The following TMEM143 variants were observed in gnomAD, a reference collection of about 807,000 sequenced individuals.
TMEM143 encodes transmembrane protein 143.
Under a neutral mutation model 40.3 loss-of-function variants are expected in TMEM143, and 45 were observed. The ratio of observed to expected loss-of-function variants is 1.12; its 90% CI spans 0.88 to 1.43. TMEM143 has a LOEUF of 1.43. TMEM143 is among the 40% of genes most tolerant of loss of function. The pLI is 0.00. For synonymous variants in TMEM143, 299 were observed against 282.7 expected, an observed-to-expected ratio of 1.06 and a Z score of -0.58; for missense variants, 620 against 613.4, an observed-to-expected ratio of 1.01 and a Z score of -0.11.
rs1276791532 is a variant in TMEM143, at chr19:48,363,487, A to T, written c.68T>A (p.Val23Asp). 1.1e-5 allele frequency: 18 copies of T among 1,613,592 alleles called. No individual in the cohort carries two copies. The highest frequency in any genetic ancestry group is 3.3e-5 in the Admixed American group (2 of 59,996). The change falls in exon 2 of 8, where the codon GTC becomes GAC. Residue 23 changes from valine to aspartate, a missense_variant. Physicochemically the swap from Val to Asp is radical, Grantham distance 152. Transcript: ENST00000293261. ...GLAMLHVTRG[V>D]WGSRVRVWPL... ...CCATACTCGGACCCTGGACCCCCAGACCCCCCGGGTCACATGCAGCATGGC... is the reference window on the plus strand; with the variant it reads ...CCATACTCGGACCCTGGACCCCCAGTCCCCCCGGGTCACATGCAGCATGGC...
At chr19:48,358,961 G>A (rs1281565081) in intron 3 of TMEM143, among the ~76,000 whole-genome samples, 1 of 152,170 alleles carries the variant, frequency 6.6e-6, no homozygotes, top group Non-Finnish European at 1.5e-5. Context: ...TTGAGGTCAG[G>A]AATTCAAGAC....
chr19:48,346,596 G>A (rs765718496), intron 3 of TMEM143, among the ~76,000 whole-genome samples: 5 of 151,596 alleles, frequency 3.3e-5, no homozygotes, highest in African/African-American at 4.9e-5. Context: ...TTATTTTTTT[G>A]AGACAGAGTC....
intron 2 of TMEM143, among the ~76,000 whole-genome samples, chr19:48,361,410 G>A (rs1418936506): frequency 2.0e-5 from 3 of 151,822 alleles, no homozygotes; most frequent in Admixed American, 2.0e-4. Flanking sequence ...TAGAGACGGG[G>A]TTTCACCATG....
chr19:48,361,579 G>A (rs922443539), intron 2 of TMEM143, among the ~76,000 whole-genome samples: 3 of 143,684 alleles, frequency 2.1e-5, no homozygotes, highest in Non-Finnish European at 4.5e-5. Flanking sequence ...TGCCCAGACT[G>A]GAGTGCAGTG....
At chr19:48,359,932 G>T in intron 3 of TMEM143, 140 bp downstream of exon 3, 2 of 738,816 alleles carry the variant, frequency 2.7e-6, no homozygotes, top group Non-Finnish European at 2.2e-6. Flanking sequence ...CCATGAGGGC[G>T]TCACTTCACC....
At chr19:48,352,291 T>G (rs1969796280) in intron 3 of TMEM143, among the ~76,000 whole-genome samples, 1 of 135,836 alleles carries the variant, frequency 7.4e-6, no homozygotes, top group Non-Finnish European at 1.6e-5. Context: ...CCTCTACACA[T>G]CCCCTCATAT....
At chr19:48,339,265 GAGA>G (rs1226701704) in intron 6 of TMEM143, among the ~76,000 whole-genome samples, 5 of 152,190 alleles carry the variant, frequency 3.3e-5, no homozygotes, top group Admixed American at 3.3e-4. Context: ...GAGCCCAGAA[GAGA>G]AGATGTCAGG....
rs755314000 is a variant in TMEM143, at chr19:48,333,262, G to T, written c.1337C>A (p.Thr446Asn). Residue 446 changes from threonine (T) to asparagine (N), a missense_variant, in exon 8 of 8, where the codon ACT becomes AAT. Coordinates refer to ENST00000293261, the MANE Select transcript of TMEM143 (RefSeq NM_018273.4). The surrounding 1 kb of genome is among the most constrained non-coding windows in gnomAD (Gnocchi z 4.1). ...GGGCGTGGCTTGCGGGGGCTCGGAA[G>T]TGATCGGAGCCACTGGGTCTAGTTT... The part of the protein sequence containing the change: ...FPKLDPVAPI[T>N]SEPPQATPSS... 73 of 1,524,002 alleles carry T rather than the reference G, an allele frequency of 4.8e-5. No homozygotes were observed. Among genetic ancestry groups the T allele is most frequent in the Non-Finnish European group, 6.1e-5 (68 of 1,123,584 alleles). The allele number at this position is 1,524,002 out of a possible 1,614,324, so 94.4% of individuals were successfully genotyped here. A position where few individuals can be genotyped will look rare whatever the true frequency, so the allele number is the denominator to read the frequency against.
Position 48,343,459 on chromosome 19 carries a change from G to T in TMEM143, c.565-8C>A. 1 of 1,570,544 alleles carries T rather than the reference G, an allele frequency of 6.4e-7. No homozygotes were observed. Among genetic ancestry groups the T allele is most frequent in the South Asian group, 1.2e-5 (1 of 85,614 alleles). ...ATCCAAATTTACTGTCACCTGCCGGGGGGATGAAGGAAGCAGTGGCGGGTG... is the reference window on the plus strand; with the variant it reads ...ATCCAAATTTACTGTCACCTGCCGGTGGGATGAAGGAAGCAGTGGCGGGTG... On this transcript the variant is annotated splice_polypyrimidine_tract_variant and splice_region_variant and intron_variant, in intron 4 of 7. Coordinates refer to ENST00000293261, the MANE Select transcript of TMEM143 (RefSeq NM_018273.4).
chr19:48,333,191 G>T lies in TMEM143; in HGVS notation c.*28C>A, dbSNP rs753873331. On this transcript the variant is annotated 3_prime_UTR_variant, in exon 8 of 8. Transcript: ENST00000293261. The surrounding 1 kb of genome is among the most constrained non-coding windows in gnomAD (Gnocchi z 4.1). ...GGAGGCGGGGCTTAGTTCCTAGCCTGCTGACTGGGCAGGGAGGTAGGTTCT... is the reference window on the plus strand; with the variant it reads ...GGAGGCGGGGCTTAGTTCCTAGCCTTCTGACTGGGCAGGGAGGTAGGTTCT... The T allele has an allele frequency of 7.1e-7, 1 of 1,409,414 alleles. No homozygotes were observed. The highest frequency in any genetic ancestry group is 9.4e-7 in the Non-Finnish European group (1 of 1,065,256). The allele number at this position is 1,409,414 out of a possible 1,614,324, so 87.3% of individuals were successfully genotyped here.
rs779259616 is a variant in TMEM143 at position 48,354,358 on chromosome 19, G to A, written c.369+5714C>T. ...CAGCTCACTGCAGCCTCCGCCTCCT[G>A]GGTGCAAGTGATTCTCCTACCTCAG... is the stretch of plus-strand genomic sequence containing the variant. On this transcript the variant is annotated intron_variant, in intron 3 of 7. Transcript: ENST00000293261. 2.0e-5 allele frequency among the ~76,000 whole-genome samples: 3 copies of A among 149,882 alleles called. No individual in the cohort carries two copies. The South Asian group carries it at 6.3e-4, about 32-fold the overall frequency.
In TMEM143 at chr19:48,352,250, A is replaced by AAAAAAAAAAAAC. The variant is rs1555887044; in HGVS notation, c.370-6897_370-6896insGTTTTTTTTTTT. Reference sequence around the variant, plus strand: ...TGACAGAGTGAGACTCTGTCTCAAAAAAAAAAAAAAAACACCATATCTGCA... The same window carrying AAAAAAAAAAAAC: ...TGACAGAGTGAGACTCTGTCTCAAAAAAAAAAAAAAACAAAAAAAAAAAACACCATATCTGCA... On this transcript the variant is annotated intron_variant, in intron 3 of 7. Coordinates refer to ENST00000293261, the MANE Select transcript of TMEM143 (RefSeq NM_018273.4). Among the ~76,000 whole-genome samples the AAAAAAAAAAAAC allele has an allele frequency of 4.1e-5, 6 of 147,722 alleles. 1 individual carries two copies. The highest frequency in any genetic ancestry group is 8.9e-5 in the Non-Finnish European group (6 of 67,078).
Position 48,342,520 on chromosome 19 carries a change from G to A in TMEM143, c.975+10C>T, listed in dbSNP as rs4275952. On this transcript the variant is annotated intron_variant, in intron 6 of 7. Coordinates refer to ENST00000293261, the MANE Select transcript of TMEM143 (RefSeq NM_018273.4). ...CAGGGCCGCAGGAGGCGTGGCAGGC[G>A]CATGCTCACCTTGGAGGCCCGCAGG... 0.27 allele frequency: 424,123 copies of A among 1,594,404 alleles called. 59,640 individuals are homozygous for A. The highest frequency in any genetic ancestry group is 0.29 in the Non-Finnish European group (345,611 of 1,172,420).
At chr19:48,346,351 C>T (rs569950796) in intron 3 of TMEM143, among the ~76,000 whole-genome samples, 13 of 152,096 alleles carry the variant, frequency 8.5e-5, no homozygotes, top group African/African-American at 3.1e-4. Flanking sequence ...CTCGGCCTCC[C>T]AAAGTGAGAT....
At chr19:48,334,309 G>A (rs1319292367) in intron 6 of TMEM143, 112 bp from the exon 7 acceptor site, 2 of 1,190,484 alleles carry the variant, frequency 1.7e-6, no homozygotes, top group African/African-American at 1.5e-5. Flanking sequence ...CCCCTGAGGA[G>A]GCGGGGAGGT....
intron 1 of TMEM143, 111 bp from the exon 2 acceptor site, chr19:48,363,642 G>A: frequency 2.0e-6 from 3 of 1,468,686 alleles, no homozygotes; most frequent in African/African-American, 1.4e-5. Flanking sequence ...AGGGCGCAGA[G>A]CCCATCCGCT....
chr19:48,342,832 G>A (rs1302316263), intron 5 of TMEM143, 23 bp from the exon 6 acceptor site: 1 of 1,580,298 alleles, frequency 6.3e-7, no homozygotes, highest in South Asian at 1.2e-5. Flanking sequence ...GACAGAGGCA[G>A]GAGCAGGATC....
intron 1 of TMEM143, 181 bp downstream of exon 1, chr19:48,363,717 G>A: frequency 7.4e-7 from 1 of 1,352,810 alleles, no homozygotes; most frequent in Non-Finnish European, 1.0e-6. Context: ...TCCCAGACAG[G>A]GGTCAGAGGT....
At chr19:48,350,149 C>T (rs1403071403) in intron 3 of TMEM143, among the ~76,000 whole-genome samples, 1 of 151,316 alleles carries the variant, frequency 6.6e-6, no homozygotes, top group Non-Finnish European at 1.5e-5. Context: ...CACAGGAGCC[C>T]GCTACCATGC....
Sources: allele counts gnomAD v4.1 joint callset (sites outside exome capture counted in the v4.1 genomes callset), GRCh38; gene constraint gnomAD v4.1.1; non-coding constraint Gnocchi (gnomAD v3.1); transcripts MANE v1.5; gene names NCBI Gene and HGNC (gene_info 2026-07-23, HGNC 2026-07-21).